Variants in ADAMTS14 observed in about 807,000 individuals in gnomAD.
ADAMTS14 encodes the protein A disintegrin and metalloproteinase with thrombospondin motifs 14.
In ADAMTS14, 100 loss-of-function variants were observed where a neutral mutation model predicts 128.6. The observed-to-expected ratio is 0.78, with a 90% confidence interval of 0.66 to 0.92. The LOEUF is 0.92. Among genes scored for constraint, ADAMTS14 ranks in the 40% least tolerant of loss-of-function variants. The pLI, the probability that ADAMTS14 is intolerant of heterozygous loss-of-function variation, is 0.00. For missense variants in ADAMTS14, 1,562 were observed against 1,658.6 expected (o/e 0.94, Z 1.01); for synonymous variants, 665 against 653.8 (o/e 1.02, Z -0.26).
At chr10:70,756,272 C>T (rs972359065) in intron 19 of ADAMTS14, among the ~76,000 whole-genome samples, 12 of 152,270 alleles carry the variant, frequency 7.9e-5, no homozygotes, top group Admixed American at 4.6e-4. Flanking sequence ...CCATACTTTT[C>T]TGTATTTTGA....
intron 8 of ADAMTS14, among the ~76,000 whole-genome samples, 196 bp downstream of exon 8, chr10:70,734,224 C>T (rs971580106): frequency 2.6e-5 from 4 of 152,170 alleles, no homozygotes; most frequent in South Asian, 4.1e-4. Context: ...TGTTTCAGAA[C>T]GTGTTCAGGT....
chr10:70,745,197 C>A, intron 14 of ADAMTS14, 29 bp from the exon 15 acceptor site: 1 of 1,603,172 alleles, frequency 6.2e-7, no homozygotes, highest in South Asian at 1.1e-5. Context: ...TTAGGATGCT[C>A]ACGACTTCTG....
At chr10:70,735,336 G>T in intron 9 of ADAMTS14, 35 bp downstream of exon 9, 2 of 1,609,016 alleles carry the variant, frequency 1.2e-6, no homozygotes. Context: ...AGGTGGTTGG[G>T]GGCCAGGGCA....
chr10:70,699,928 C>T (rs1463967491), intron 2 of ADAMTS14, among the ~76,000 whole-genome samples: 1 of 152,116 alleles, frequency 6.6e-6, no homozygotes, highest in Non-Finnish European at 1.5e-5. Context: ...GTTTGTGTGC[C>T]TGTAGCCTGG....
Position 70,761,063 on chromosome 10 carries a change from C to T in ADAMTS14, c.*210C>T. On this transcript the variant is annotated 3_prime_UTR_variant, in exon 22 of 22. Coordinates refer to ENST00000373207, the MANE Select transcript of ADAMTS14 (RefSeq NM_080722.4). ...CAGGGAAAGCCCTAATCGGAGATAC[C>T]TCAGCAAGCTGCCCCCGGCGGGACT... The T allele has an allele frequency of 2.8e-6, 2 of 723,922 alleles. No individual in the cohort carries two copies. Among genetic ancestry groups the T allele is most frequent in the Non-Finnish European group, 4.1e-6 (2 of 482,248 alleles). The allele number at this position is 723,922 out of a possible 1,614,324, so 44.8% of individuals were successfully genotyped here.
chr10:70,683,173 G>A (rs1422563569), intron 2 of ADAMTS14, among the ~76,000 whole-genome samples: 1 of 152,234 alleles, frequency 6.6e-6, no homozygotes, highest in African/African-American at 2.4e-5. Flanking sequence ...GTCACTCTCC[G>A]TGGGCCGAGT....
chr10:70,718,871 T>C (rs1305445939), intron 4 of ADAMTS14, among the ~76,000 whole-genome samples: 1 of 151,868 alleles, frequency 6.6e-6, no homozygotes, highest in Admixed American at 6.6e-5. Flanking sequence ...TTTTTTTTAA[T>C]TTTTAGTAGA....
At chr10:70,743,941 T>C (rs1222716785) in intron 13 of ADAMTS14, 125 bp from the exon 14 acceptor site, 11 of 1,338,518 alleles carry the variant, frequency 8.2e-6, no homozygotes, top group African/African-American at 5.9e-5. Flanking sequence ...GCCAGAATCC[T>C]GTCCAGGGAC....
intron 18 of ADAMTS14, among the ~76,000 whole-genome samples, chr10:70,752,831 T>C (rs1027725182): frequency 1.3e-5 from 2 of 152,084 alleles, no homozygotes; most frequent in Non-Finnish European, 2.9e-5. Context: ...GGGCATGTAA[T>C]TGGGGCAAGG....
rs905520629 is a variant in ADAMTS14, at chr10:70,672,767, C to T, written c.-36C>T. 1 of 1,488,082 alleles carries T rather than the reference C, an allele frequency of 6.7e-7. No homozygotes were observed. The highest frequency in any genetic ancestry group is 1.5e-5 in the African/African-American group (1 of 68,488). 92.2% of individuals were successfully genotyped at this position (1,488,082 alleles called of 1,614,324 possible). A position where few individuals can be genotyped will look rare whatever the true frequency, so the allele number is the denominator to read the frequency against. On this transcript the variant is annotated 5_prime_UTR_variant, in exon 1 of 22. Coordinates refer to ENST00000373207, the MANE Select transcript of ADAMTS14 (RefSeq NM_080722.4). ...CGCCCTCAGCCTGGGACTTGGGGAT[C>T]GGGCGCTTGCCCAGCCCGCGTCCCA... is the stretch of plus-strand genomic sequence containing the variant.
chr10:70,672,731 C>T lies in ADAMTS14; in HGVS notation c.-72C>T. The stretch of plus-strand genomic sequence containing the variant: ...GGTGCTCCGACAGCCCGGGGCGCAC[C>T]CTAGCCTCGCCGCCCTCAGCCTGGG... On this transcript the variant is annotated 5_prime_UTR_variant, in exon 1 of 22. Transcript: ENST00000373207. 7.0e-7 allele frequency: 1 copy of T among 1,430,020 alleles called. No homozygotes were observed. The highest frequency in any genetic ancestry group is 9.1e-7 in the Non-Finnish European group (1 of 1,097,114). 88.6% of individuals were successfully genotyped at this position (1,430,020 alleles called of 1,614,324 possible).
In ADAMTS14 at chr10:70,749,900, T is replaced by C. The variant is rs747719037; in HGVS notation, c.2342T>C (p.Met781Thr). The change falls in exon 16 of 22, where the codon ATG (methionine) becomes ACG (threonine). Residue 781 changes from methionine to threonine, a missense_variant. Coordinates refer to ENST00000373207, the MANE Select transcript of ADAMTS14 (RefSeq NM_080722.4). ...KEATSRTFTA[M>T]GLEWEDAVED... ...GCCACAAGCCGGACCTTCACCGCCA[T>C]GGGCCTGGAGTGGGAGGATGCGGTG... is the stretch of plus-strand genomic sequence containing the variant. The C allele has an allele frequency of 3.1e-6, 5 of 1,613,980 alleles. No homozygotes were observed. Among genetic ancestry groups the C allele is most frequent in the East Asian group, 4.5e-5 (2 of 44,868 alleles).
chr10:70,673,857 G>A (rs1280024382), intron 1 of ADAMTS14, among the ~76,000 whole-genome samples: 1 of 152,176 alleles, frequency 6.6e-6, no homozygotes, highest in Admixed American at 6.5e-5. Context: ...TGGAGCATGG[G>A]GCCATGACCT....
chr10:70,752,177 G>A lies in ADAMTS14; in HGVS notation c.2679G>A (p.Arg893=). Residue 893 remains arginine, a synonymous_variant, in exon 18 of 22, where the codon AGG becomes AGA. Transcript: ENST00000373207. The part of the protein sequence containing the change: ...VQRHLCDHKK[R]PKPIRRRCNQ... ...GACACCTGTGTGACCACAAGAAGAGGCCCAAGCCCATCCGCCGGCGCTGCA... is the reference window on the plus strand; with the variant it reads ...GACACCTGTGTGACCACAAGAAGAGACCCAAGCCCATCCGCCGGCGCTGCA... 1 of 1,613,714 alleles carries A rather than the reference G, an allele frequency of 6.2e-7. No individual in the cohort carries two copies. Among genetic ancestry groups the A allele is most frequent in the Non-Finnish European group, 8.5e-7 (1 of 1,179,968 alleles).
chr10:70,725,515 G>T (rs980807521), intron 4 of ADAMTS14, among the ~76,000 whole-genome samples: 1 of 152,172 alleles, frequency 6.6e-6, no homozygotes, highest in Admixed American at 6.5e-5. Flanking sequence ...TTGGTGACTG[G>T]TGAGAGCCCG....
chr10:70,718,781 A>T (rs1415022998), intron 4 of ADAMTS14, among the ~76,000 whole-genome samples: 1 of 151,858 alleles, frequency 6.6e-6, no homozygotes, highest in African/African-American at 2.4e-5. Context: ...TTCTGGGCTC[A>T]AGGGATCCTC....
At chr10:70,734,110 T>A in intron 8 of ADAMTS14, 82 bp downstream of exon 8, 2 of 1,543,096 alleles carry the variant, frequency 1.3e-6, no homozygotes, top group Non-Finnish European at 8.8e-7. Flanking sequence ...GCTGGCTGGC[T>A]TCCCCACGTT....
intron 4 of ADAMTS14, among the ~76,000 whole-genome samples, chr10:70,721,019 C>CTTTTTTTTTTT (rs56656736): frequency 5.9e-5 from 5 of 84,334 alleles, no homozygotes; most frequent in African/African-American, 2.0e-4. Flanking sequence ...TCTCTTTTTT[C>CTTTTTTTTTTT]TTTTTTTTTT....
chr10:70,741,305 C>T (rs114922763), intron 12 of ADAMTS14, 143 bp downstream of exon 12: 31,123 of 997,394 alleles, frequency 0.031, 653 homozygotes, highest in South Asian at 0.063. Context: ...CTGAAGTCAG[C>T]GGGCTCACCA....
Sources: allele counts gnomAD v4.1 joint callset (sites outside exome capture counted in the v4.1 genomes callset), GRCh38; gene constraint gnomAD v4.1.1; transcripts MANE v1.5; gene names NCBI Gene and HGNC (gene_info 2026-07-23, HGNC 2026-07-21).